Variants in SLC25A12 observed in about 807,000 individuals in gnomAD.
SLC25A12 encodes the protein solute carrier family 25 member 12.
In SLC25A12, 32 loss-of-function variants were observed where a neutral mutation model predicts 83.3. The observed-to-expected ratio is 0.38, with a 90% CI of 0.29 to 0.52. The LOEUF (loss-of-function observed/expected upper bound fraction) is 0.52. SLC25A12 is among the 20% of genes least tolerant of loss of function. The probability of loss-of-function intolerance (pLI) is 0.84; values close to 1 mark genes in which losing one functional copy is unlikely to be tolerated. For missense variants in SLC25A12, 611 were observed against 835.6 expected (o/e 0.73, Z 3.31); for synonymous variants, 267 against 291.1 (o/e 0.92, Z 0.84).
intron 2 of SLC25A12, among the ~76,000 whole-genome samples, chr2:171,890,708 C>T (rs1270996508): frequency 2.0e-5 from 3 of 152,124 alleles, no homozygotes; most frequent in African/African-American, 7.2e-5. Flanking sequence ...GTCTTGAACT[C>T]CTGGGCTCAA....
intron 9 of SLC25A12, among the ~76,000 whole-genome samples, chr2:171,817,254 A>T (rs1684071612): frequency 6.6e-6 from 1 of 152,148 alleles, no homozygotes; most frequent in Non-Finnish European, 1.5e-5. Context: ...TTTTAAAATC[A>T]ATATAGCTAT....
At chr2:171,881,450 C>T (rs1354835771) in intron 2 of SLC25A12, among the ~76,000 whole-genome samples, 1 of 152,148 alleles carries the variant, frequency 6.6e-6, no homozygotes, top group Non-Finnish European at 1.5e-5. Context: ...CCGGCCAAAA[C>T]CCCATATTTT....
chr2:171,790,352 C>T (rs1281659119), intron 15 of SLC25A12, among the ~76,000 whole-genome samples: 1 of 147,240 alleles, frequency 6.8e-6, no homozygotes, highest in Non-Finnish European at 1.5e-5. Flanking sequence ...CCCTTCCTTC[C>T]TTTGTCTTTT....
At chr2:171,863,166 G>A (rs557958209) in intron 3 of SLC25A12, among the ~76,000 whole-genome samples, 2 of 152,190 alleles carry the variant, frequency 1.3e-5, no homozygotes, top group African/African-American at 2.4e-5. Flanking sequence ...GCCTCCCAAA[G>A]TGCTGAGATT....
intron 2 of SLC25A12, among the ~76,000 whole-genome samples, chr2:171,886,171 A>G (rs974002462): frequency 6.6e-6 from 1 of 151,806 alleles, no homozygotes; most frequent in Non-Finnish European, 1.5e-5. Context: ...TAGTATCTGC[A>G]TAACTTTCAT....
At chr2:171,833,525 C>T (rs981923027) in intron 8 of SLC25A12, among the ~76,000 whole-genome samples, 15 of 152,192 alleles carry the variant, frequency 9.9e-5, no homozygotes, top group African/African-American at 3.6e-4. Context: ...CCCACCTTGG[C>T]CTCCCAAAGT....
chr2:171,819,995 C>T (rs1684149493), intron 9 of SLC25A12, among the ~76,000 whole-genome samples: 1 of 152,140 alleles, frequency 6.6e-6, no homozygotes, highest in South Asian at 2.1e-4. Flanking sequence ...CGTATGTTCT[C>T]ACTTATAAGT....
At chr2:171,829,250 A>C (rs1684380316) in intron 8 of SLC25A12, among the ~76,000 whole-genome samples, 1 of 152,168 alleles carries the variant, frequency 6.6e-6, no homozygotes, top group African/African-American at 2.4e-5. Context: ...ACCATCCTGC[A>C]ATTAGACCTA....
chr2:171,876,531 GT>G (rs749154864), intron 2 of SLC25A12, among the ~76,000 whole-genome samples: 90 of 71,556 alleles, frequency 1.3e-3, no homozygotes, highest in South Asian at 6.0e-3. Flanking sequence ...AGGGGTTTGG[GT>G]TTTTTTTTTT....
Position 171,837,179 on chromosome 2 carries a change from A to G in SLC25A12, c.554T>C (p.Ile185Thr). 1 of 1,614,112 alleles carries G rather than the reference A, an allele frequency of 6.2e-7. No homozygotes were observed. The highest frequency in any genetic ancestry group is 8.5e-7 in the Non-Finnish European group (1 of 1,179,984). Residue 185 changes from isoleucine to threonine, a missense_variant, in exon 6 of 18, where the codon ATC becomes ACC. By Grantham distance (89) the Ile-to-Thr change is moderately conservative (BLOSUM62 -1). Transcript: ENST00000422440. ...CATGTGAGATCTAATGGTAACCATG[A>G]TGTCACTGAAATCCAGACCAGAAAT... ...GMISGLDFSD[I>T]MVTIRSHMLT...
chr2:171,810,421 C>G (rs1036665553), intron 11 of SLC25A12, 145 bp from the exon 12 acceptor site: 3 of 741,252 alleles, frequency 4.0e-6, no homozygotes, highest in Non-Finnish European at 4.9e-6. Context: ...ATCCTTAAAA[C>G]TCTGTATACA....
intron 10 of SLC25A12, among the ~76,000 whole-genome samples, chr2:171,814,428 C>T (rs1574691783): frequency 6.6e-6 from 1 of 151,634 alleles, no homozygotes; most frequent in East Asian, 1.9e-4. Context: ...AACTGGGTCA[C>T]TTTGAGAGGC....
chr2:171,794,257 G>C (rs1054597243), intron 13 of SLC25A12, among the ~76,000 whole-genome samples: 1 of 152,132 alleles, frequency 6.6e-6, no homozygotes, highest in Non-Finnish European at 1.5e-5. Context: ...TTGGATTGTA[G>C]AGCAATTAAA....
Position 171,787,451 on chromosome 2 carries a change from G to T in SLC25A12, c.1835+120C>A, listed in dbSNP as rs1690510038. The stretch of plus-strand genomic sequence containing the variant: ...TTAAGCTCACTGTTTTAAATGCATT[G>T]GTCTTAAAGGTTCTGTCTTATCAGT... On this transcript the variant is annotated intron_variant, in intron 17 of 17. Transcript: ENST00000422440. 8.3e-6 allele frequency: 7 copies of T among 838,378 alleles called. No individual in the cohort carries two copies. The South Asian group carries it at 9.4e-5, about 11-fold the overall frequency. 51.9% of individuals were successfully genotyped at this position (838,378 alleles called of 1,614,324 possible). A position where few individuals can be genotyped will look rare whatever the true frequency, so the allele number is the denominator to read the frequency against.
At position 171,815,210 on chromosome 2, in the gene SLC25A12, G is replaced by A. The variant is rs753441579; in HGVS notation, c.931-8C>T. 7 of 1,606,088 alleles carry A rather than the reference G, an allele frequency of 4.4e-6. No homozygotes were observed. The highest frequency in any genetic ancestry group is 1.7e-5 in the Admixed American group (1 of 59,902). ...GCCTAACCCAGGAGACTGCTGCAGA[G>A]AAGAAAACGGGTAAAAAAAAATCTT... On this transcript the variant is annotated splice_polypyrimidine_tract_variant and splice_region_variant and intron_variant, in intron 9 of 17. Coordinates refer to ENST00000422440, the MANE Select transcript of SLC25A12 (RefSeq NM_003705.5).
rs781728630 is a variant in SLC25A12 at position 171,834,806 on chromosome 2, C to T, written c.672G>A (p.Ser224=). The change falls in exon 7 of 18, where the codon TCG becomes TCA. Residue 224 remains serine (S), a synonymous_variant. Coordinates refer to ENST00000422440, the MANE Select transcript of SLC25A12 (RefSeq NM_003705.5). ...GAACAAGCTCCATGTTATTCAGTAA[C>T]GAGTTAAATGCATTGAAGTAGGAGA... ...VSFSYFNAFN[S]LLNNMELVRK... 8.7e-6 allele frequency: 14 copies of T among 1,613,912 alleles called. No homozygotes were observed. Among genetic ancestry groups the T allele is most frequent in the Admixed American group, 6.7e-5 (4 of 59,998 alleles).
intron 9 of SLC25A12, among the ~76,000 whole-genome samples, chr2:171,821,402 G>C (rs912786498): frequency 1.3e-5 from 2 of 152,126 alleles, no homozygotes; most frequent in Non-Finnish European, 2.9e-5. Context: ...AACAGGTCAC[G>C]GGGTATGTGT....
At chr2:171,878,941 C>T (rs1297162074) in intron 2 of SLC25A12, among the ~76,000 whole-genome samples, 1 of 152,166 alleles carries the variant, frequency 6.6e-6, no homozygotes, top group East Asian at 1.9e-4. Context: ...AAGCACTCTA[C>T]ATAAGGAGCA....
intron 3 of SLC25A12, among the ~76,000 whole-genome samples, chr2:171,866,147 A>G (rs1305549224): frequency 7.3e-6 from 1 of 136,392 alleles, no homozygotes; most frequent in East Asian, 2.1e-4. Context: ...TTCAGAGAGC[A>G]CAGGGTTGGG....
Sources: gnomAD v4.1 joint callset for allele counts (sites outside exome capture counted in the v4.1 genomes callset) on GRCh38, gnomAD v4.1.1 for gene constraint, MANE v1.5 for transcripts, NCBI Gene and HGNC (gene_info 2026-07-23, HGNC 2026-07-21) for gene names.